TEX14: variants seen among roughly 807,000 people sequenced by gnomAD.
The protein encoded by TEX14 is testis expressed 14, intercellular bridge forming factor.
TEX14 carries 168 observed loss-of-function variants against 178.6 expected under a neutral mutation model. The observed-to-expected ratio is 0.94, with a 90% CI of 0.83 to 1.07. The LOEUF (loss-of-function observed/expected upper bound fraction) is 1.07, where lower values mean the gene tolerates loss of function less well. Ranked by LOEUF, TEX14 falls within the 50% of genes least tolerant of loss-of-function variation. The pLI is 0.00. For missense variants in TEX14, 1,730 were observed against 1,753.6 expected (o/e 0.99, Z 0.24); for synonymous variants, 626 against 634.1 (o/e 0.99, Z 0.19).
At chr17:58,631,183 G>A (rs1598401679) in intron 2 of TEX14, 6 of 982,092 alleles carry the variant, frequency 6.1e-6, no homozygotes, top group Middle Eastern at 5.2e-4. Context: ...CACAAGCCTG[G>A]AGGCGCAGTG....
intron 11 of TEX14, among the ~76,000 whole-genome samples, 155 bp downstream of exon 11, chr17:58,604,823 A>C (rs2045566360): frequency 6.6e-6 from 1 of 152,066 alleles, no homozygotes; most frequent in South Asian, 2.1e-4. Flanking sequence ...AGCCTCCCAA[A>C]GTGCTGGGAT....
At chr17:58,574,701 A>AG (rs2044634823) in intron 21 of TEX14, among the ~76,000 whole-genome samples, 1 of 149,760 alleles carries the variant, frequency 6.7e-6, no homozygotes, top group Non-Finnish European at 1.5e-5. Context: ...AAAAAAAAAA[A>AG]GTGTGAGTTC....
intron 24 of TEX14, among the ~76,000 whole-genome samples, chr17:58,570,777 C>T (rs1009834678): frequency 2.6e-5 from 4 of 151,916 alleles, no homozygotes; most frequent in Non-Finnish European, 2.9e-5. Context: ...AGGTGTGTAC[C>T]ACCACGCCCA....
At chr17:58,654,356 A>G (rs2046904054) in intron 1 of TEX14, among the ~76,000 whole-genome samples, 2 of 152,102 alleles carry the variant, frequency 1.3e-5, no homozygotes, top group South Asian at 2.1e-4. Flanking sequence ...AAACTTTCCA[A>G]GACTCTAGAG....
chr17:58,637,688 C>T (rs2046467971), intron 2 of TEX14, among the ~76,000 whole-genome samples: 1 of 152,226 alleles, frequency 6.6e-6, no homozygotes, highest in South Asian at 2.1e-4. Context: ...CATTCAGTTG[C>T]TCATCTGTAT....
In TEX14 at chr17:58,666,030, C is replaced by T. The variant is rs557228798; in HGVS notation, c.-1-14028G>A. On this transcript the variant is annotated intron_variant, in intron 1 of 31. Transcript: ENST00000349033. ...TGCCACTCAACTCCAGCCTGGGAGA[C>T]GGCGAGACTCTGTCTCAAAAAAAAA... Among the ~76,000 whole-genome samples the T allele has an allele frequency of 3.9e-4, 56 of 143,362 alleles. No individual in the cohort carries two copies. The Middle Eastern group carries it at 0.012, about 30-fold the overall frequency. 94.1% of individuals were successfully genotyped at this position (143,362 alleles called of 152,430 possible).
intron 3 of TEX14, among the ~76,000 whole-genome samples, chr17:58,626,936 T>A (rs2046159452): frequency 6.6e-6 from 1 of 152,182 alleles, no homozygotes; most frequent in East Asian, 1.9e-4. Flanking sequence ...AAAAATTTTT[T>A]AAAAACTTTT....
intron 5 of TEX14, among the ~76,000 whole-genome samples, chr17:58,619,229 C>A (rs1410657426): frequency 6.6e-6 from 1 of 152,124 alleles, no homozygotes; most frequent in Non-Finnish European, 1.5e-5. Flanking sequence ...AGCAAAAGAG[C>A]CGAGTGTTCT....
At chr17:58,605,196 T>C (rs2045578189) in intron 10 of TEX14, 67 bp from the exon 11 acceptor site, 15 of 1,516,526 alleles carry the variant, frequency 9.9e-6, no homozygotes, top group Non-Finnish European at 1.3e-5. Flanking sequence ...CATTCATTCA[T>C]TCATTCTTTC....
intron 10 of TEX14, among the ~76,000 whole-genome samples, chr17:58,606,713 A>G (rs551855293): frequency 6.6e-6 from 1 of 151,736 alleles, no homozygotes; most frequent in African/African-American, 2.4e-5. Context: ...CAGCCTGGGT[A>G]ACAGAGTGAG....
chr17:58,615,263 C>A lies in TEX14; in HGVS notation c.850G>T (p.Asp284Tyr). The A allele has an allele frequency of 6.2e-7, 1 of 1,613,584 alleles. No homozygotes were observed. Among genetic ancestry groups the A allele is most frequent in the South Asian group, 1.1e-5 (1 of 91,036 alleles). ...TGTTCCTGCTCGGCAATTAACAAGT[C>A]GGCCAGCCGCAGCCTGCTGCAGTGT... ...HPHCSRLRLA[D>Y]LLIAEQEHSS... Residue 284 changes from aspartate to tyrosine, a missense_variant, in exon 8 of 32, where the codon GAC (aspartate) becomes TAC (tyrosine). Physicochemically the swap from Asp to Tyr is radical, Grantham distance 160. This residue lies in a region of TEX14 where 789 missense variants were observed against 681.2 expected (regional missense o/e 1.16). Transcript: ENST00000349033.
At chr17:58,598,790 T>C (rs914346703) in intron 14 of TEX14, 86 bp downstream of exon 14, 9 of 1,283,756 alleles carry the variant, frequency 7.0e-6, no homozygotes, top group Non-Finnish European at 8.7e-6. Context: ...AGTGTTTACT[T>C]TGGAGACTTG....
chr17:58,688,101 T>C (rs1455513049), intron 1 of TEX14, among the ~76,000 whole-genome samples: 1 of 152,162 alleles, frequency 6.6e-6, no homozygotes, highest in African/African-American at 2.4e-5. Context: ...TTCGGCACTT[T>C]TACAATTATA....
chr17:58,648,795 T>C (rs1265675088), intron 2 of TEX14, among the ~76,000 whole-genome samples: 1 of 142,290 alleles, frequency 7.0e-6, no homozygotes, highest in African/African-American at 2.6e-5. Context: ...TCTTTTTTTT[T>C]TTTTTTTTTT....
chr17:58,613,752 C>T (rs529540076), intron 8 of TEX14, among the ~76,000 whole-genome samples: 112 of 152,224 alleles, frequency 7.4e-4, no homozygotes, highest in South Asian at 1.0e-3. Flanking sequence ...CTGCAACCTC[C>T]GCCTCCTGGG....
intron 29 of TEX14, among the ~76,000 whole-genome samples, chr17:58,559,771 C>T (rs923124663): frequency 2.0e-5 from 3 of 152,106 alleles, no homozygotes; most frequent in African/African-American, 4.8e-5. Flanking sequence ...AAGGTAGTTA[C>T]CACTGCCATC....
intron 10 of TEX14, 92 bp downstream of exon 10, chr17:58,611,069 G>T: frequency 1.1e-6 from 1 of 887,888 alleles, no homozygotes. Context: ...TCACCAATGA[G>T]GAGTCCCACC....
At position 58,621,873 on chromosome 17, in the gene TEX14, A is replaced by T. The variant is rs548842586; in HGVS notation, c.418-87T>A. 59 of 1,427,862 alleles carry T rather than the reference A, an allele frequency of 4.1e-5. No homozygotes were observed. The African/African-American group carries it at 7.9e-4, about 19-fold the overall frequency. The allele number at this position is 1,427,862 out of a possible 1,614,324, so 88.4% of individuals were successfully genotyped here. ...GGGTATGAAGATAAGTGGTCCGAGG[A>T]GCTGAGAGCCCCCAACAGAAAAACC... On this transcript the variant is annotated intron_variant, in intron 4 of 31. Transcript: ENST00000349033.
chr17:58,621,737 T>C lies in TEX14; in HGVS notation c.467A>G (p.Gln156Arg). ...RCASHMQAIIQGFSYDLLKKI... is the reference protein window; with the variant it reads ...RCASHMQAIIRGFSYDLLKKI... ...CTTCAGGAGGTCGTAAGAGAAGCCCTGGATGATGGCCTGCATGTGTGAGGC... is the reference window on the plus strand; with the variant it reads ...CTTCAGGAGGTCGTAAGAGAAGCCCCGGATGATGGCCTGCATGTGTGAGGC... The change falls in exon 5 of 32, where the codon CAG becomes CGG. Residue 156 changes from glutamine (Q) to arginine (R), a missense_variant. Physicochemically the swap from Gln to Arg is conservative, Grantham distance 43 (BLOSUM62 1). Coordinates refer to ENST00000349033, the MANE Select transcript of TEX14 (RefSeq NM_031272.5). 2 of 1,614,210 alleles carry C rather than the reference T, an allele frequency of 1.2e-6. No individual in the cohort carries two copies. Among genetic ancestry groups the C allele is most frequent in the East Asian group, 2.2e-5 (1 of 44,880 alleles).
Sources: allele counts gnomAD v4.1 joint callset (sites outside exome capture counted in the v4.1 genomes callset), GRCh38; gene constraint gnomAD v4.1.1; regional missense constraint gnomAD v4.1.1; transcripts MANE v1.5; gene names NCBI Gene and HGNC (gene_info 2026-07-23, HGNC 2026-07-21).